ALMS1: variants seen among roughly 807,000 people sequenced by gnomAD.
The protein encoded by ALMS1 is centrosome-associated protein ALMS1.
In ALMS1, 271 loss-of-function variants were observed where a neutral mutation model predicts 352.2. The observed-to-expected ratio is 0.77, with a 90% CI of 0.70 to 0.85. The LOEUF is 0.85. Among genes scored for constraint, ALMS1 ranks in the 40% least tolerant of loss-of-function variants. The pLI is 0.00. For missense variants in ALMS1, 5,445 were observed against 4,870.7 expected, an observed-to-expected ratio of 1.12 and a Z score of -3.51; for synonymous variants, 1,865 against 1,761.2, an observed-to-expected ratio of 1.06 and a Z score of -1.48.
intron 15 of ALMS1, among the ~76,000 whole-genome samples, chr2:73,569,334 A>G (rs1007006147): frequency 1.3e-5 from 2 of 151,652 alleles, no homozygotes; most frequent in African/African-American, 2.4e-5. Flanking sequence ...CTTATTTTCT[A>G]CTATCCTTTC....
rs1670942973 is a variant in ALMS1, at chr2:73,404,909, T to TC, written c.325-3713_325-3712insC. On this transcript the variant is annotated intron_variant, in intron 1 of 22. Transcript: ENST00000613296. ...TTTCTTGTCCTGGACCTTTTTTTTT[T>TC]TTTTTTTTTTTTTTTTTTTTGAGAC... is the stretch of plus-strand genomic sequence containing the variant. Among the ~76,000 whole-genome samples the TC allele has an allele frequency of 3.3e-5, 4 of 122,308 alleles. No individual in the cohort carries two copies. In the South Asian group the frequency reaches 1.1e-3, roughly 33 times the overall value. 80.2% of individuals were successfully genotyped at this position (122,308 alleles called of 152,430 possible). A position where few individuals can be genotyped will look rare whatever the true frequency, so the allele number is the denominator to read the frequency against.
At chr2:73,516,031 T>G (rs1673548379) in intron 10 of ALMS1, among the ~76,000 whole-genome samples, 1 of 151,952 alleles carries the variant, frequency 6.6e-6, no homozygotes, top group African/African-American at 2.4e-5. Context: ...TGGGACAAAA[T>G]ATTTGCAAAC....
intron 2 of ALMS1, among the ~76,000 whole-genome samples, chr2:73,412,914 G>A (rs1054040616): frequency 6.6e-6 from 1 of 151,952 alleles, no homozygotes; most frequent in Non-Finnish European, 1.5e-5. Context: ...GTACCATTTT[G>A]TATCCCAGTA....
At chr2:73,425,323 T>C (rs1227927519) in intron 5 of ALMS1, among the ~76,000 whole-genome samples, 1 of 152,202 alleles carries the variant, frequency 6.6e-6, no homozygotes, top group Non-Finnish European at 1.5e-5. Flanking sequence ...AGAAATAATT[T>C]AGTATCTTCA....
intron 11 of ALMS1, among the ~76,000 whole-genome samples, chr2:73,531,653 C>T (rs1211423722): frequency 6.6e-6 from 1 of 152,216 alleles, no homozygotes; most frequent in Non-Finnish European, 1.5e-5. Flanking sequence ...ACTTCTGGCA[C>T]CAATTCTTTG....
chr2:73,598,231 T>A (rs117084334), intron 16 of ALMS1, among the ~76,000 whole-genome samples: 1 of 152,334 alleles, frequency 6.6e-6, no homozygotes, highest in East Asian at 1.9e-4. Context: ...AGGTATGGTA[T>A]GCTATGTATT....
chr2:73,482,434 G>C (rs1479425055), intron 9 of ALMS1, among the ~76,000 whole-genome samples: 2 of 146,910 alleles, frequency 1.4e-5, no homozygotes, highest in African/African-American at 4.9e-5. Context: ...AAGCCCACTT[G>C]ATCATGGTGG....
At chr2:73,485,954 C>T (rs1022395468) in intron 9 of ALMS1, among the ~76,000 whole-genome samples, 2 of 152,088 alleles carry the variant, frequency 1.3e-5, no homozygotes, top group Admixed American at 1.3e-4. Context: ...CGCGCACCCA[C>T]TGACCTGCGC....
Position 73,414,418 on chromosome 2 carries a change from T to C in ALMS1, c.451-4705T>C, listed in dbSNP as rs1422057060. 4.6e-5 allele frequency among the ~76,000 whole-genome samples: 7 copies of C among 151,594 alleles called. 1 individual carries two copies. Among genetic ancestry groups the C allele is most frequent in the Admixed American group, 4.6e-4 (7 of 15,232 alleles). On this transcript the variant is annotated intron_variant, in intron 2 of 22. Transcript: ENST00000613296. The stretch of plus-strand genomic sequence containing the variant: ...CTTTAGGACTTTATATGCAGAGTTA[T>C]ATTAACTATGCTTTGTTTTTTACTT...
chr2:73,594,748 C>T (rs1675509698), intron 16 of ALMS1, among the ~76,000 whole-genome samples: 1 of 152,220 alleles, frequency 6.6e-6, no homozygotes, highest in Admixed American at 6.5e-5. Flanking sequence ...AGGAAACAGA[C>T]CTAGCCCTCT....
chr2:73,424,275 C>T lies in ALMS1; in HGVS notation c.765-155C>T, dbSNP rs1488476750. On this transcript the variant is annotated intron_variant, in intron 4 of 22. Transcript: ENST00000613296. ...GAATTTGCTTTACTCAGTCATTAGC[C>T]ATCTTAGAAGAGTCTGAAATTAGGA... 2.6e-5 allele frequency among the ~76,000 whole-genome samples: 4 copies of T among 152,100 alleles called. No homozygotes were observed. In the East Asian group the frequency reaches 7.7e-4, roughly 29 times the overall value.
At chr2:73,538,366 A>G (rs902684582) in intron 12 of ALMS1, among the ~76,000 whole-genome samples, 1 of 152,180 alleles carries the variant, frequency 6.6e-6, no homozygotes, top group African/African-American at 2.4e-5. Context: ...ACCACTTCAC[A>G]CCCATTACAA....
intron 10 of ALMS1, among the ~76,000 whole-genome samples, chr2:73,511,829 A>G (rs1451547039): frequency 6.6e-6 from 1 of 152,170 alleles, no homozygotes; most frequent in Non-Finnish European, 1.5e-5. Context: ...AGAATGCACA[A>G]GACAGTCCTC....
intron 9 of ALMS1, among the ~76,000 whole-genome samples, chr2:73,466,915 G>T (rs1672361245): frequency 6.6e-6 from 1 of 151,910 alleles, no homozygotes; most frequent in East Asian, 1.9e-4. Flanking sequence ...AAGTGTTTGG[G>T]AAAAAGCTGT....
In ALMS1 at chr2:73,519,819, A is replaced by C. The variant is rs748234485; in HGVS notation, c.9584A>C (p.Lys3195Thr). 9.2e-5 allele frequency: 148 copies of C among 1,613,934 alleles called. No homozygotes were observed. Among genetic ancestry groups the C allele is most frequent in the Non-Finnish European group, 1.2e-4 (146 of 1,179,940 alleles). Residue 3195 changes from lysine (K) to threonine (T), a missense_variant, in exon 11 of 23, where the codon AAA (lysine) becomes ACA (threonine). By Grantham distance (78) the Lys-to-Thr change is moderately conservative (BLOSUM62 -1). Transcript: ENST00000613296. The stretch of plus-strand genomic sequence containing the variant: ...ACCCCACTTTCTGCTTTCTCTGAAA[A>C]ATTGTCATCTGATGCAGTCACTCAG... ...MKTPLSAFSE[K>T]LSSDAVTQIT... is the part of the protein sequence containing the mutation.
chr2:73,574,770 A>G (rs897806969), intron 16 of ALMS1, among the ~76,000 whole-genome samples: 6 of 152,194 alleles, frequency 3.9e-5, no homozygotes, highest in Non-Finnish European at 7.4e-5. Flanking sequence ...TAAAATACAC[A>G]TGACATAAAG....
intron 12 of ALMS1, among the ~76,000 whole-genome samples, chr2:73,536,132 T>C (rs1674022897): frequency 6.6e-6 from 1 of 152,198 alleles, no homozygotes; most frequent in South Asian, 2.1e-4. Flanking sequence ...TTAAAAACAC[T>C]GTTAATGGCT....
At chr2:73,555,483 A>G (rs953912537) in intron 13 of ALMS1, among the ~76,000 whole-genome samples, 1 of 152,184 alleles carries the variant, frequency 6.6e-6, no homozygotes, top group Admixed American at 6.5e-5. Flanking sequence ...GCATATTAAA[A>G]GTAAATGGGA....
At chr2:73,567,403 C>T (rs1289288108) in intron 15 of ALMS1, among the ~76,000 whole-genome samples, 1 of 152,136 alleles carries the variant, frequency 6.6e-6, no homozygotes, top group Non-Finnish European at 1.5e-5. Context: ...TGCTGTTATC[C>T]CGTTTTCCTA....
Sources: gnomAD v4.1 joint callset for allele counts (sites outside exome capture counted in the v4.1 genomes callset) on GRCh38, gnomAD v4.1.1 for gene constraint, MANE v1.5 for transcripts, NCBI Gene and HGNC (gene_info 2026-07-23, HGNC 2026-07-21) for gene names.